Variants in ZNF407 observed in about 807,000 individuals in gnomAD.
The protein encoded by ZNF407 is zinc finger protein 407.
ZNF407 carries 17 observed loss-of-function variants against 131.2 expected under a neutral mutation model. The ratio of observed to expected loss-of-function variants is 0.13; its 90% CI spans 0.09 to 0.19. The LOEUF is 0.19. ZNF407 is among the 10% of genes least tolerant of loss of function. ZNF407 has a pLI of 1.00. For missense variants in ZNF407, 2,681 were observed against 2,830.6 expected, an observed-to-expected ratio of 0.95 and a Z score of 1.20; for synonymous variants, 1,156 against 1,062.0, an observed-to-expected ratio of 1.09 and a Z score of -1.72.
chr18:74,866,910 G>A lies in ZNF407; in HGVS notation c.4878-10287G>A, dbSNP rs1029380486. 4.6e-4 allele frequency among the ~76,000 whole-genome samples: 68 copies of A among 146,396 alleles called. 1 individual carries two copies. Among genetic ancestry groups the A allele is most frequent in the African/African-American group, 1.6e-3 (62 of 39,760 alleles). ...ATGTACCTGTAGTCCCAGCTACTCC[G>A]GCTGAGGCTGGAGGATCCCTAGAGC... On this transcript the variant is annotated intron_variant, in intron 4 of 8. Transcript: ENST00000299687.
intron 3 of ZNF407, among the ~76,000 whole-genome samples, chr18:74,676,781 C>T (rs1390859291): frequency 1.3e-5 from 2 of 152,112 alleles, no homozygotes; most frequent in Non-Finnish European, 2.9e-5. Flanking sequence ...GGTATTTTTC[C>T]AAGCCACTGA....
At chr18:74,721,447 C>T (rs1968034426) in intron 3 of ZNF407, among the ~76,000 whole-genome samples, 1 of 152,136 alleles carries the variant, frequency 6.6e-6, no homozygotes, top group Non-Finnish European at 1.5e-5. Context: ...AAGGAAGTCA[C>T]ATTGTCCCTG....
At chr18:74,904,013 T>C (rs955342426) in intron 7 of ZNF407, among the ~76,000 whole-genome samples, 3 of 152,212 alleles carry the variant, frequency 2.0e-5, no homozygotes, top group Non-Finnish European at 2.9e-5. Flanking sequence ...GACACACCTC[T>C]AGTTTTGTGT....
Position 75,063,337 on chromosome 18 carries a change from C to T in ZNF407, c.5616C>T (p.Tyr1872=), listed in dbSNP as rs756209375. 5.8e-5 allele frequency: 93 copies of T among 1,613,008 alleles called. No homozygotes were observed. Among genetic ancestry groups the T allele is most frequent in the African/African-American group, 1.7e-4 (13 of 74,926 alleles). The change falls in exon 9 of 9, where the codon TAC becomes TAT. Residue 1872 remains tyrosine, a synonymous_variant. Coordinates refer to ENST00000299687, the MANE Select transcript of ZNF407 (RefSeq NM_017757.3). The surrounding 1 kb of genome is among the most constrained non-coding windows in gnomAD (Gnocchi z 6.6). The part of the protein sequence containing the change: ...QVQQVIIFQG[Y]DGEFALDPSV... ...AGCAGGTCATCATCTTCCAGGGCTACGACGGGGAGTTTGCCCTGGACCCCT... is the reference window on the plus strand; with the variant it reads ...AGCAGGTCATCATCTTCCAGGGCTATGACGGGGAGTTTGCCCTGGACCCCT...
At chr18:74,728,627 A>G (rs925702191) in intron 3 of ZNF407, among the ~76,000 whole-genome samples, 1 of 152,110 alleles carries the variant, frequency 6.6e-6, no homozygotes, top group African/African-American at 2.4e-5. Context: ...CGAGGGAGAG[A>G]TGTACAGGAA....
At chr18:74,802,459 A>G (rs371326808) in intron 4 of ZNF407, among the ~76,000 whole-genome samples, 1 of 152,208 alleles carries the variant, frequency 6.6e-6, no homozygotes, top group Non-Finnish European at 1.5e-5. Context: ...CTTCCACTGA[A>G]TGCTCACAAC....
At chr18:74,826,270 A>G (rs952341061) in intron 4 of ZNF407, among the ~76,000 whole-genome samples, 1 of 152,166 alleles carries the variant, frequency 6.6e-6, no homozygotes, top group Non-Finnish European at 1.5e-5. Context: ...GAATTTTAGA[A>G]AACTGATAGG....
intron 8 of ZNF407, among the ~76,000 whole-genome samples, chr18:74,961,975 C>G (rs1034965852): frequency 6.6e-6 from 1 of 152,094 alleles, no homozygotes. Flanking sequence ...CAGAAAAATA[C>G]GTTCATTAGG....
intron 4 of ZNF407, among the ~76,000 whole-genome samples, chr18:74,821,077 T>C (rs1162713126): frequency 6.6e-6 from 1 of 152,030 alleles, no homozygotes; most frequent in Non-Finnish European, 1.5e-5. Flanking sequence ...GATCGATGCC[T>C]TGTCTACAGA....
At chr18:74,828,794 T>C (rs1038910121) in intron 4 of ZNF407, among the ~76,000 whole-genome samples, 15 of 131,670 alleles carry the variant, frequency 1.1e-4, no homozygotes, top group Admixed American at 5.4e-4. Flanking sequence ...TGGTGAGTTA[T>C]GTAAACTCTC....
At chr18:74,994,517 T>A (rs1290337707) in intron 8 of ZNF407, among the ~76,000 whole-genome samples, 2 of 152,214 alleles carry the variant, frequency 1.3e-5, no homozygotes, top group African/African-American at 2.4e-5. Context: ...GTCTGGAAAG[T>A]CTGCATCCTT....
In ZNF407 at chr18:75,064,189, G is replaced by T. The variant is rs765401408; in HGVS notation, c.6468G>T (p.Val2156=). 3 of 1,604,476 alleles carry T rather than the reference G, an allele frequency of 1.9e-6. No homozygotes were observed. Among genetic ancestry groups the T allele is most frequent in the Non-Finnish European group, 2.6e-6 (3 of 1,175,850 alleles). ...CGGAGGAGCTGGTCCAGGCCATGGTGCAGGAGTCCAGTGGCGGCTTCTCCG... is the reference window on the plus strand; with the variant it reads ...CGGAGGAGCTGGTCCAGGCCATGGTTCAGGAGTCCAGTGGCGGCTTCTCCG... ...IVTEELVQAM[V]QESSGGFSEG... The change falls in exon 9 of 9, where the codon GTG becomes GTT. Residue 2156 remains valine (V), a synonymous_variant. Coordinates refer to ENST00000299687, the MANE Select transcript of ZNF407 (RefSeq NM_017757.3).
intron 8 of ZNF407, among the ~76,000 whole-genome samples, chr18:75,012,271 T>G (rs78836826): frequency 1.8e-5 from 2 of 108,560 alleles, no homozygotes; most frequent in East Asian, 5.5e-4. Context: ...ACATAGTGTA[T>G]GTACACATAG....
At chr18:74,728,484 A>G (rs1042930015) in intron 3 of ZNF407, among the ~76,000 whole-genome samples, 2 of 152,196 alleles carry the variant, frequency 1.3e-5, no homozygotes, top group Non-Finnish European at 2.9e-5. Context: ...CCTGGCAGTA[A>G]CTAGCTTTAC....
At chr18:74,984,728 A>G (rs1253135631) in intron 8 of ZNF407, among the ~76,000 whole-genome samples, 1 of 152,218 alleles carries the variant, frequency 6.6e-6, no homozygotes. Context: ...GCCACCATTA[A>G]TTATAAAATG....
intron 3 of ZNF407, among the ~76,000 whole-genome samples, chr18:74,695,924 A>G (rs193098341): frequency 6.6e-6 from 1 of 152,338 alleles, no homozygotes; most frequent in Non-Finnish European, 1.5e-5. Flanking sequence ...GTTTCTTTTA[A>G]GTTGATGGAA....
chr18:74,988,313 A>C (rs1395644310), intron 8 of ZNF407, among the ~76,000 whole-genome samples: 1 of 152,172 alleles, frequency 6.6e-6, no homozygotes, highest in South Asian at 2.1e-4. Context: ...GGAACAAAAC[A>C]TAGGAGAAAA....
chr18:74,704,398 G>C (rs566258422), intron 3 of ZNF407, among the ~76,000 whole-genome samples: 1 of 152,064 alleles, frequency 6.6e-6, no homozygotes, highest in East Asian at 1.9e-4. Flanking sequence ...CAGGTACAAC[G>C]GGGAAAATGA....
intron 4 of ZNF407, among the ~76,000 whole-genome samples, chr18:74,872,530 G>A (rs553303054): frequency 2.5e-4 from 38 of 152,034 alleles, no homozygotes; most frequent in South Asian, 1.7e-3. Context: ...TTGGGAGGCC[G>A]AGGCAGGCAG....
Sources: allele counts gnomAD v4.1 joint callset (sites outside exome capture counted in the v4.1 genomes callset), GRCh38; gene constraint gnomAD v4.1.1; non-coding constraint Gnocchi (gnomAD v3.1); transcripts MANE v1.5; gene names NCBI Gene and HGNC (gene_info 2026-07-23, HGNC 2026-07-21).